LHPP: variants seen among roughly 807,000 people sequenced by gnomAD.
LHPP encodes hLHPP.
In LHPP, 24 loss-of-function variants were observed where a neutral mutation model predicts 30.3. The observed-to-expected ratio is 0.79, with a 90% CI of 0.57 to 1.11. The LOEUF (loss-of-function observed/expected upper bound fraction) is 1.11. Among genes scored for constraint, LHPP ranks in the 50% most tolerant of loss-of-function variants. The pLI is 0.00. For synonymous variants in LHPP, 150 were observed against 157.1 expected (o/e 0.95, Z 0.34); for missense variants, 356 against 367.2 (o/e 0.97, Z 0.25).
chr10:124,565,088 C>G (rs1385440929), intron 6 of LHPP, among the ~76,000 whole-genome samples: 3 of 152,120 alleles, frequency 2.0e-5, no homozygotes, highest in African/African-American at 7.2e-5. Context: ...GCATTCTGCT[C>G]TGATGTTTGC....
chr10:124,507,902 T>G (rs1436462208), intron 5 of LHPP, among the ~76,000 whole-genome samples: 5 of 95,266 alleles, frequency 5.2e-5, no homozygotes, highest in South Asian at 5.0e-4. Flanking sequence ...GTCGGGGGGG[T>G]AGACAGGATT....
chr10:124,505,496 C>T (rs1395963172), intron 5 of LHPP, among the ~76,000 whole-genome samples: 2 of 152,162 alleles, frequency 1.3e-5, no homozygotes, highest in Non-Finnish European at 2.9e-5. Flanking sequence ...TATAACTCCC[C>T]AAATCCAATT....
At position 124,497,034 on chromosome 10, in the gene LHPP, C is replaced by G; in HGVS notation, c.531+10C>G. 1.2e-6 allele frequency: 2 copies of G among 1,612,594 alleles called. No homozygotes were observed. ...CATGAAGGCGCTTGAGGTACCAGCC[C>G]TGGTTCTGTCCCAAACTCTCTTCAG... On this transcript the variant is annotated intron_variant, in intron 4 of 6. Coordinates refer to ENST00000368842, the MANE Select transcript of LHPP (RefSeq NM_022126.4).
chr10:124,581,835 G>A (rs1047097506), intron 6 of LHPP, among the ~76,000 whole-genome samples: 4 of 152,134 alleles, frequency 2.6e-5, no homozygotes, highest in African/African-American at 4.8e-5. Context: ...AGGCTGGAGT[G>A]CAGTGGCACA....
At chr10:124,498,821 C>G (rs912125207) in intron 5 of LHPP, 2 of 381,060 alleles carry the variant, frequency 5.2e-6, no homozygotes, top group Admixed American at 3.5e-5. Context: ...ACCAGGCCCC[C>G]CCCCCGCCAA....
chr10:124,526,583 C>T (rs1954743696), intron 6 of LHPP, among the ~76,000 whole-genome samples: 1 of 152,244 alleles, frequency 6.6e-6, no homozygotes, highest in Non-Finnish European at 1.5e-5. Context: ...AGTGTGGGGG[C>T]TCACAGGACT....
At chr10:124,575,474 T>C (rs918163395) in intron 6 of LHPP, among the ~76,000 whole-genome samples, 3 of 152,164 alleles carry the variant, frequency 2.0e-5, no homozygotes, top group African/African-American at 4.8e-5. Flanking sequence ...GTTCTCTCTC[T>C]GCAGGACCCC....
chr10:124,612,432 G>T lies in LHPP; in HGVS notation c.717-832G>T, dbSNP rs1430237644. Among the ~76,000 whole-genome samples, 3 of 152,138 alleles carry T rather than the reference G, an allele frequency of 2.0e-5. No individual in the cohort carries two copies. In the East Asian group the frequency reaches 5.8e-4, roughly 30 times the overall value. On this transcript the variant is annotated intron_variant, in intron 6 of 6. Transcript: ENST00000368842. ...AAAAATAAAAAATAAAAAAGGCTCT[G>T]GATGTCTCCACGAACCCACCTGACC...
intron 1 of LHPP, among the ~76,000 whole-genome samples, chr10:124,464,925 C>T (rs1002463530): frequency 3.9e-5 from 6 of 152,176 alleles, no homozygotes; most frequent in African/African-American, 1.4e-4. Context: ...CTGGAAACAG[C>T]TCAGATACCC....
rs186287587 is a variant in LHPP at position 124,523,602 on chromosome 10, T to C, written c.716+6331T>C. Among the ~76,000 whole-genome samples the C allele has an allele frequency of 4.5e-4, 69 of 152,308 alleles. No individual in the cohort carries two copies. Among genetic ancestry groups the C allele is most frequent in the Admixed American group, 1.8e-3 (28 of 15,304 alleles). On this transcript the variant is annotated intron_variant, in intron 6 of 6. Transcript: ENST00000368842. This position sits in a 1 kb window ranked among gnomAD's most constrained non-coding sequence, Gnocchi z 4.2. ...GGAGTGTGAGGGAAGGAAGTGAAAC[T>C]GGTGTTAATTTTTCAGCAGTCACAT...
intron 6 of LHPP, among the ~76,000 whole-genome samples, chr10:124,611,005 T>C (rs1385977641): frequency 8.6e-5 from 3 of 34,882 alleles, no homozygotes; most frequent in African/African-American, 3.0e-4. Flanking sequence ...AGGGTGTTAA[T>C]GAAGCGGGTG....
chr10:124,577,651 C>T (rs1489633886), intron 6 of LHPP, among the ~76,000 whole-genome samples: 1 of 143,444 alleles, frequency 7.0e-6, no homozygotes, highest in African/African-American at 2.5e-5. Context: ...CAGTTCTGCC[C>T]CATCCTACAC....
chr10:124,602,749 T>C (rs903384138), intron 6 of LHPP, among the ~76,000 whole-genome samples: 3 of 151,808 alleles, frequency 2.0e-5, no homozygotes, highest in Non-Finnish European at 2.9e-5. Context: ...AAAATTGGGG[T>C]TCAGTTAGCC....
chr10:124,489,887 C>A, intron 3 of LHPP: 1 of 194,818 alleles, frequency 5.1e-6, no homozygotes, highest in Non-Finnish European at 1.0e-5. Context: ...GGTTGCTGAC[C>A]CATTCCCAGC....
intron 5 of LHPP, among the ~76,000 whole-genome samples, chr10:124,499,998 A>G (rs1269421556): frequency 1.3e-5 from 2 of 152,046 alleles, no homozygotes; most frequent in Non-Finnish European, 2.9e-5. Context: ...GAACTGCAGC[A>G]ATAAATAACC....
At chr10:124,544,643 G>A (rs746526600) in intron 6 of LHPP, among the ~76,000 whole-genome samples, 9 of 152,242 alleles carry the variant, frequency 5.9e-5, no homozygotes, top group Non-Finnish European at 1.3e-4. Flanking sequence ...GAGGTTGTGT[G>A]GGCTGCTGAG....
At chr10:124,575,797 C>A (rs1948650485) in intron 6 of LHPP, among the ~76,000 whole-genome samples, 1 of 152,162 alleles carries the variant, frequency 6.6e-6, no homozygotes, top group African/African-American at 2.4e-5. Context: ...ATCCCGGTCC[C>A]CCACACCCTG....
chr10:124,535,774 A>G (rs963540546), intron 6 of LHPP, among the ~76,000 whole-genome samples: 5 of 152,148 alleles, frequency 3.3e-5, no homozygotes, highest in Non-Finnish European at 7.4e-5. Context: ...CCTGTGGGCC[A>G]GAGGCCAGGT....
In LHPP at chr10:124,469,591, G is replaced by A. The variant is rs143964094; in HGVS notation, c.125+7604G>A. ...TGGCAGAAGTAGAAAATGTTGCCGA[G>A]CCCTCATTAAAGATGCATGCACACA... On this transcript the variant is annotated intron_variant, in intron 1 of 6. Coordinates refer to ENST00000368842, the MANE Select transcript of LHPP (RefSeq NM_022126.4). 4.5e-4 allele frequency among the ~76,000 whole-genome samples: 69 copies of A among 152,092 alleles called. No individual in the cohort carries two copies. In the East Asian group the frequency reaches 0.012, roughly 27 times the overall value.
Sources: gnomAD v4.1 joint callset for allele counts (sites outside exome capture counted in the v4.1 genomes callset) on GRCh38, gnomAD v4.1.1 for gene constraint, Gnocchi (gnomAD v3.1) non-coding constraint, MANE v1.5 for transcripts, NCBI Gene and HGNC (gene_info 2026-07-23, HGNC 2026-07-21) for gene names.